POLE2: variants seen among roughly 807,000 people sequenced by gnomAD.
POLE2 encodes DNA polymerase epsilon 2, accessory subunit, also known as DNA polymerase epsilon subunit 2.
In POLE2, 56 loss-of-function variants were observed where a neutral mutation model predicts 79.4. That is an observed-to-expected ratio of 0.71 (90% CI 0.57 to 0.88). The LOEUF is 0.88. Ranked by LOEUF, POLE2 falls within the 40% of genes least tolerant of loss-of-function variation. The probability of loss-of-function intolerance (pLI) is 0.00; values close to 1 mark genes in which losing one functional copy is unlikely to be tolerated. For missense variants in POLE2, 598 were observed against 638.9 expected (o/e 0.94, Z 0.69); for synonymous variants, 212 against 214.0 (o/e 0.99, Z 0.08).
rs370004347 is a variant in POLE2, at chr14:49,649,343, G to T, written c.1497+922C>A. ...TTGTGTTTTTAGTAGAGACGGGGTT[G>T]CACCATGTTAGCCAGGATGGTCTCG... On this transcript the variant is annotated intron_variant, in intron 17 of 18. Transcript: ENST00000216367. Among the ~76,000 whole-genome samples the T allele has an allele frequency of 2.8e-4, 41 of 148,332 alleles. No homozygotes were observed. The South Asian group carries it at 4.9e-3, about 18-fold the overall frequency.
At chr14:49,666,765 G>A (rs1378754277) in intron 6 of POLE2, among the ~76,000 whole-genome samples, 2 of 152,006 alleles carry the variant, frequency 1.3e-5, no homozygotes, top group Non-Finnish European at 2.9e-5. Context: ...AGTACCTTTT[G>A]AAAACTAGCA....
intron 10 of POLE2, among the ~76,000 whole-genome samples, chr14:49,656,877 G>A (rs1884717968): frequency 6.6e-6 from 1 of 152,154 alleles, no homozygotes; most frequent in Non-Finnish European, 1.5e-5. Context: ...GGGAGGCCGA[G>A]GTGGGGGGAT....
chr14:49,655,272 C>A (rs1594569446), intron 11 of POLE2, among the ~76,000 whole-genome samples, 178 bp from the exon 12 acceptor site: 1 of 151,986 alleles, frequency 6.6e-6, no homozygotes, highest in Admixed American at 6.6e-5. Flanking sequence ...ATAGGCCAGG[C>A]CTGCATTGGC....
chr14:49,676,785 T>G (rs12436414), intron 3 of POLE2, among the ~76,000 whole-genome samples: 37,711 of 152,176 alleles, frequency 0.25, 5,801 homozygotes, highest in African/African-American at 0.43. Context: ...GGAGGAAGCA[T>G]CCTGGTCGTT....
chr14:49,684,938 C>G (rs1410865312), intron 1 of POLE2, among the ~76,000 whole-genome samples: 2 of 152,072 alleles, frequency 1.3e-5, no homozygotes, highest in Non-Finnish European at 2.9e-5. Context: ...GATCGGGCCA[C>G]TACACTCCAG....
At chr14:49,682,407 G>A (rs1002744351) in intron 2 of POLE2, among the ~76,000 whole-genome samples, 10 of 151,698 alleles carry the variant, frequency 6.6e-5, no homozygotes, top group African/African-American at 1.7e-4. Flanking sequence ...GGAGGCCGAG[G>A]TGGGCGATCA....
chr14:49,679,867 T>A, intron 2 of POLE2, 67 bp from the exon 3 acceptor site: 1 of 848,736 alleles, frequency 1.2e-6, no homozygotes, highest in Non-Finnish European at 1.9e-6. Context: ...CACAGACAGC[T>A]CTTTTCCCAA....
chr14:49,643,733 A>C, intron 18 of POLE2, 63 bp from the exon 19 acceptor site: 1 of 852,192 alleles, frequency 1.2e-6, no homozygotes, highest in South Asian at 1.6e-5. Flanking sequence ...TAATAGTTGT[A>C]GTTAATTTTT....
chr14:49,666,672 C>T (rs1198801222), intron 6 of POLE2, among the ~76,000 whole-genome samples: 1 of 152,142 alleles, frequency 6.6e-6, no homozygotes, highest in East Asian at 1.9e-4. Flanking sequence ...TGACTGAATC[C>T]TCACACCATA....
chr14:49,669,782 A>T (rs1483346976), intron 5 of POLE2, among the ~76,000 whole-genome samples, 184 bp from the exon 6 acceptor site: 1 of 152,198 alleles, frequency 6.6e-6, no homozygotes. Context: ...AAAATTTAAG[A>T]CAAAAAAAAT....
chr14:49,679,237 G>T (rs1195162354), intron 3 of POLE2, among the ~76,000 whole-genome samples: 1 of 152,028 alleles, frequency 6.6e-6, no homozygotes, highest in Non-Finnish European at 1.5e-5. Flanking sequence ...GATATTCAGA[G>T]AAATAAAACC....
chr14:49,666,383 T>C lies in POLE2; in HGVS notation c.523A>G (p.Thr175Ala). 6.6e-7 allele frequency: 1 copy of C among 1,523,932 alleles called. No homozygotes were observed. The highest frequency in any genetic ancestry group is 8.9e-7 in the Non-Finnish European group (1 of 1,123,984). The allele number at this position is 1,523,932 out of a possible 1,614,324, so 94.4% of individuals were successfully genotyped here. ...ACAATCGCATCTCCGATTTTGGTTGTACTACCCAATAAGGTTTCTATTGTT... is the reference window on the plus strand; with the variant it reads ...ACAATCGCATCTCCGATTTTGGTTGCACTACCCAATAAGGTTTCTATTGTT... The part of the protein sequence containing the change: ...LKTIETLLGS[T>A]TKIGDAIVLG... The change falls in exon 7 of 19, where the codon ACA (threonine) becomes GCA (alanine). Residue 175 changes from threonine to alanine, a missense_variant. By Grantham distance (58) the Thr-to-Ala change is moderately conservative. Coordinates refer to ENST00000216367, the MANE Select transcript of POLE2 (RefSeq NM_002692.4).
At chr14:49,661,392 AATTTT>A (rs1371540749) in intron 10 of POLE2, among the ~76,000 whole-genome samples, 2 of 152,174 alleles carry the variant, frequency 1.3e-5, no homozygotes, top group African/African-American at 4.8e-5. Context: ...GTACAGTAAT[AATTTT>A]ATAGTTGCTA....
chr14:49,663,526 C>T lies in POLE2; in HGVS notation c.683-139G>A, dbSNP rs548773809. ...ACAGAGGTTGCCAACCTCAATGAAC[C>T]ACAGTGAACAACTTTAGATCCACAG... On this transcript the variant is annotated intron_variant, in intron 9 of 18. Coordinates refer to ENST00000216367, the MANE Select transcript of POLE2 (RefSeq NM_002692.4). 54 of 448,640 alleles carry T rather than the reference C, an allele frequency of 1.2e-4. No individual in the cohort carries two copies. In the South Asian group the frequency reaches 2.0e-3, roughly 16 times the overall value. The allele number at this position is 448,640 out of a possible 1,614,324, so 27.8% of individuals were successfully genotyped here. A position where few individuals can be genotyped will look rare whatever the true frequency, so the allele number is the denominator to read the frequency against.
intron 5 of POLE2, among the ~76,000 whole-genome samples, chr14:49,672,023 G>A (rs41327849): frequency 0.017 from 2,559 of 152,276 alleles, 41 homozygotes; most frequent in South Asian, 0.025. Flanking sequence ...CAGAAAGGAG[G>A]AATCTGAGAA....
chr14:49,678,696 G>A (rs372093940), intron 3 of POLE2, among the ~76,000 whole-genome samples: 1 of 151,782 alleles, frequency 6.6e-6, no homozygotes, highest in Non-Finnish European at 1.5e-5. Context: ...TCACTCTGTC[G>A]CCCAGACTAG....
At chr14:49,657,560 C>G (rs975474469) in intron 10 of POLE2, among the ~76,000 whole-genome samples, 9 of 152,024 alleles carry the variant, frequency 5.9e-5, no homozygotes, top group Non-Finnish European at 8.8e-5. Context: ...CCTGCCTCAG[C>G]CTCCTGAGTA....
intron 2 of POLE2, among the ~76,000 whole-genome samples, chr14:49,683,183 C>T (rs577620790): frequency 6.6e-6 from 1 of 152,270 alleles, no homozygotes; most frequent in Non-Finnish European, 1.5e-5. Flanking sequence ...AGGTGGACTG[C>T]GTGAGCCCAG....
chr14:49,674,766 G>A (rs757696083), intron 3 of POLE2, among the ~76,000 whole-genome samples: 12 of 151,728 alleles, frequency 7.9e-5, no homozygotes, highest in Non-Finnish European at 1.5e-4. Flanking sequence ...GGGTTTCTCC[G>A]TGTTGGTCAG....
Sources: allele counts gnomAD v4.1 joint callset (sites outside exome capture counted in the v4.1 genomes callset), GRCh38; gene constraint gnomAD v4.1.1; transcripts MANE v1.5; gene names NCBI Gene and HGNC (gene_info 2026-07-23, HGNC 2026-07-21).